Variants in MTOR observed in about 807,000 individuals in gnomAD.
MTOR encodes the protein mechanistic target of rapamycin kinase.
Under a neutral mutation model 319.8 loss-of-function variants are expected in MTOR, and 70 were observed. The ratio of observed to expected loss-of-function variants is 0.22; its 90% CI spans 0.18 to 0.27. The LOEUF is 0.27. MTOR is among the 10% of genes least tolerant of loss of function. The probability of loss-of-function intolerance (pLI) is 1.00; values close to 1 mark genes in which losing one functional copy is unlikely to be tolerated. For missense variants in MTOR, 1,890 were observed against 3,274.4 expected, an observed-to-expected ratio of 0.58 and a Z score of 10.32; for synonymous variants, 1,183 against 1,211.4, an observed-to-expected ratio of 0.98 and a Z score of 0.49.
rs879251235 is a variant in MTOR at position 11,234,211 on chromosome 1, G to A, written c.2263C>T (p.Arg755Cys). ...GIGRIKEQSA[R>C]MLGHLVSNAP... ...TTGGAGACCAGGTGCCCCAGCATGCGGGCACTCTGCTCTTTGATTCTTCCA... is the reference window on the plus strand; with the variant it reads ...TTGGAGACCAGGTGCCCCAGCATGCAGGCACTCTGCTCTTTGATTCTTCCA... The change falls in exon 14 of 58, where the codon CGC (arginine) becomes TGC (cysteine). Residue 755 changes from arginine to cysteine, a missense_variant. This residue lies in a region of MTOR where 377 missense variants were observed against 653.9 expected (regional missense o/e 0.58). Transcript: ENST00000361445. 7.4e-6 allele frequency: 12 copies of A among 1,613,956 alleles called. No homozygotes were observed. Among genetic ancestry groups the A allele is most frequent in the South Asian group, 2.2e-5 (2 of 91,080 alleles).
Position 11,132,898 on chromosome 1 carries a change from A to G in MTOR, c.5364+182T>C, listed in dbSNP as rs1028141657. On this transcript the variant is annotated intron_variant, in intron 38 of 57. Coordinates refer to ENST00000361445, the MANE Select transcript of MTOR (RefSeq NM_004958.4). ...ATTTCTCCAATAATCTTTCTGTATT[A>G]ATTAAACTTGTAGGGGGAAATGCAG... 6.6e-6 allele frequency: 4 copies of G among 607,582 alleles called. No homozygotes were observed. In the Admixed American group the frequency reaches 1.1e-4, roughly 17 times the overall value. 37.6% of individuals were successfully genotyped at this position (607,582 alleles called of 1,614,324 possible).
intron 29 of MTOR, 46 bp from the exon 30 acceptor site, chr1:11,157,337 G>T (rs1644350258): frequency 6.3e-7 from 1 of 1,590,414 alleles, no homozygotes; most frequent in Non-Finnish European, 8.6e-7. Context: ...ACAGAAGAAG[G>T]GATCACATTG....
At chr1:11,193,623 T>C in intron 28 of MTOR, 6 of 1,611,916 alleles carry the variant, frequency 3.7e-6, no homozygotes, top group Non-Finnish European at 5.1e-6. Flanking sequence ...TGGACCATCA[T>C]CCAGAGACGA....
At chr1:11,243,777 T>A (rs532037545) in intron 8 of MTOR, among the ~76,000 whole-genome samples, 1 of 151,828 alleles carries the variant, frequency 6.6e-6, no homozygotes, top group Non-Finnish European at 1.5e-5. Flanking sequence ...CACACAAGAA[T>A]TACATGCTCT....
intron 34 of MTOR, among the ~76,000 whole-genome samples, chr1:11,141,779 G>C (rs992207007): frequency 6.7e-5 from 10 of 149,936 alleles, no homozygotes; most frequent in Non-Finnish European, 1.5e-4. Context: ...AAGGTCAGGA[G>C]ATCGAGATCA....
chr1:11,126,449 A>G (rs1045980933), intron 46 of MTOR, among the ~76,000 whole-genome samples, 173 bp downstream of exon 46: 1 of 152,136 alleles, frequency 6.6e-6, no homozygotes, highest in African/African-American at 2.4e-5. Flanking sequence ...CTAAGTCCTG[A>G]GGACATAATG....
At chr1:11,253,053 C>T (rs1435752035) in intron 6 of MTOR, among the ~76,000 whole-genome samples, 1 of 152,216 alleles carries the variant, frequency 6.6e-6, no homozygotes, top group Non-Finnish European at 1.5e-5. Flanking sequence ...AGACACAGAC[C>T]TCTCTGACAG....
intron 28 of MTOR, among the ~76,000 whole-genome samples, chr1:11,168,886 A>C (rs1644726578): frequency 6.6e-6 from 1 of 152,234 alleles, no homozygotes; most frequent in African/African-American, 2.4e-5. Flanking sequence ...AGGAAGGGAA[A>C]GAGGGGAGGG....
At chr1:11,203,226 A>C (rs1646036192) in intron 26 of MTOR, among the ~76,000 whole-genome samples, 1 of 151,924 alleles carries the variant, frequency 6.6e-6, no homozygotes, top group Non-Finnish European at 1.5e-5. Context: ...AACAAAAACA[A>C]AAATGAAAAC....
At chr1:11,232,346 C>A (rs1647047017) in intron 16 of MTOR, 90 bp downstream of exon 16, 3 of 885,654 alleles carry the variant, frequency 3.4e-6, no homozygotes, top group Non-Finnish European at 5.5e-6. Context: ...GTTCTAGGCA[C>A]TGGGTGAGGA....
At chr1:11,256,335 A>G (rs1650397956) in intron 4 of MTOR, 143 bp from the exon 5 acceptor site, 16 of 1,444,430 alleles carry the variant, frequency 1.1e-5, no homozygotes, top group Non-Finnish European at 1.5e-5. Flanking sequence ...TTCTGAGGAC[A>G]GAGGAAGGAA....
Position 11,121,873 on chromosome 1 carries a change from A to G in MTOR, c.6810+106T>C. 1 of 1,442,036 alleles carries G rather than the reference A, an allele frequency of 6.9e-7. No individual in the cohort carries two copies. Among genetic ancestry groups the G allele is most frequent in the Non-Finnish European group, 9.4e-7 (1 of 1,067,534 alleles). The allele number at this position is 1,442,036 out of a possible 1,614,324, so 89.3% of individuals were successfully genotyped here. A position where few individuals can be genotyped will look rare whatever the true frequency, so the allele number is the denominator to read the frequency against. On this transcript the variant is annotated intron_variant, in intron 48 of 57. Transcript: ENST00000361445. This position sits in a 1 kb window ranked among gnomAD's most constrained non-coding sequence, Gnocchi z 4.9. Reference sequence around the variant, plus strand: ...AACCTTCTTCAAAGCTGATTCTCTCAAAGAGATTTTTCAGTGACAGACATA... The same window carrying G: ...AACCTTCTTCAAAGCTGATTCTCTCGAAGAGATTTTTCAGTGACAGACATA...
At chr1:11,187,288 G>A (rs1311097745) in intron 28 of MTOR, among the ~76,000 whole-genome samples, 1 of 149,712 alleles carries the variant, frequency 6.7e-6, no homozygotes, top group Non-Finnish European at 1.5e-5. Flanking sequence ...ACTAGGGACT[G>A]GTTTCGTGGA....
intron 6 of MTOR, among the ~76,000 whole-genome samples, chr1:11,249,462 G>A (rs935395971): frequency 2.0e-5 from 3 of 148,166 alleles, no homozygotes; most frequent in Admixed American, 6.8e-5. Context: ...GGTGTTTCTC[G>A]CAGAGGGGGA....
chr1:11,201,599 T>C (rs1645971136), intron 26 of MTOR, among the ~76,000 whole-genome samples: 1 of 152,142 alleles, frequency 6.6e-6, no homozygotes. Context: ...TATAAATAAT[T>C]AATATCCAAT....
In MTOR at chr1:11,107,396, CTT is replaced by C; in HGVS notation, c.*87_*88del. ...TTTCAAAATATTTAACAAAGTCAAA[CTT>C]TCTCACCATGGTTTCAGTTTAGTGG... is the stretch of plus-strand genomic sequence containing the variant. On this transcript the variant is annotated 3_prime_UTR_variant, in exon 58 of 58. Transcript: ENST00000361445. The C allele has an allele frequency of 1.9e-6, 3 of 1,567,816 alleles. No individual in the cohort carries two copies. The highest frequency in any genetic ancestry group is 2.6e-6 in the Non-Finnish European group (3 of 1,164,882).
intron 28 of MTOR, chr1:11,189,694 C>T: frequency 6.2e-7 from 1 of 1,614,234 alleles, no homozygotes; most frequent in Non-Finnish European, 8.5e-7. Flanking sequence ...AGCACAGCCA[C>T]AGCTCAAAGC....
At chr1:11,258,384 A>G in intron 3 of MTOR, 101 bp downstream of exon 3, 1 of 806,050 alleles carries the variant, frequency 1.2e-6, no homozygotes, top group Non-Finnish European at 2.0e-6. Flanking sequence ...CTTAAATTTC[A>G]TTAAGCAAAT....
intron 52 of MTOR, 98 bp from the exon 53 acceptor site, chr1:11,114,551 G>A (rs1642062993): frequency 1.3e-6 from 2 of 1,526,116 alleles, no homozygotes; most frequent in African/African-American, 1.4e-5. Context: ...AGCAGACACA[G>A]GCCATGTTGA....
Sources: gnomAD v4.1 joint callset for allele counts (sites outside exome capture counted in the v4.1 genomes callset) on GRCh38, gnomAD v4.1.1 for gene constraint, gnomAD v4.1.1 regional missense constraint, Gnocchi (gnomAD v3.1) non-coding constraint, MANE v1.5 for transcripts, NCBI Gene and HGNC (gene_info 2026-07-23, HGNC 2026-07-21) for gene names.